RBM48: variants seen among roughly 807,000 people sequenced by gnomAD.
RBM48 encodes the protein RNA binding motif protein 48, also known as RNA-binding protein 48.
A neutral mutation model predicts 34.8 loss-of-function variants in RBM48; 32 were observed. The ratio of observed to expected loss-of-function variants is 0.92; its 90% confidence interval spans 0.69 to 1.23. The LOEUF (loss-of-function observed/expected upper bound fraction) is 1.23, where lower values mean the gene tolerates loss of function less well. Ranked by LOEUF, RBM48 falls within the 50% of genes most tolerant of loss-of-function variation. The probability of loss-of-function intolerance (pLI) is 0.00; values close to 1 mark genes in which losing one functional copy is unlikely to be tolerated. For synonymous variants in RBM48, 151 were observed against 156.2 expected (o/e 0.97, Z 0.25); for missense variants, 441 against 447.2 (o/e 0.99, Z 0.12).
intron 1 of RBM48, chr7:92,529,256 T>C: frequency 1.7e-6 from 1 of 574,716 alleles, no homozygotes; most frequent in Non-Finnish European, 3.1e-6. Context: ...TGGAAAAAAA[T>C]GTCGACTGAA....
rs1484290816 is a variant in RBM48, at chr7:92,534,393, A to C, written c.449-9A>C. 1 of 1,600,268 alleles carries C rather than the reference A, an allele frequency of 6.2e-7. No homozygotes were observed. Among genetic ancestry groups the C allele is most frequent in the Admixed American group, 1.7e-5 (1 of 57,366 alleles). ...CCCTTTCCCTCAACTTTTAAATTGT[A>C]ATATAAAGACCATTACGTGACAAAG... On this transcript the variant is annotated splice_polypyrimidine_tract_variant and intron_variant, in intron 3 of 4. Transcript: ENST00000265732.
At chr7:92,529,271 G>A in intron 1 of RBM48, 1 of 578,316 alleles carries the variant, frequency 1.7e-6, no homozygotes, top group South Asian at 2.2e-5. Context: ...ACTGAAGGTA[G>A]TCTGTTATAT....
chr7:92,539,538 C>CA lies in RBM48; in HGVS notation c.*2607dup, dbSNP rs770582656. Among the ~76,000 whole-genome samples the CA allele has an allele frequency of 5.3e-5, 8 of 152,080 alleles. No homozygotes were observed. Among genetic ancestry groups the CA allele is most frequent in the Non-Finnish European group, 1.0e-4 (7 of 68,032 alleles). ...CCAACATGATGAAACTCCATCTCTACAAAAAATACAAAAAGCCAGGCGTGG... is the reference window on the plus strand; with the variant it reads ...CCAACATGATGAAACTCCATCTCTACAAAAAAATACAAAAAGCCAGGCGTGG... On this transcript the variant is annotated 3_prime_UTR_variant, in exon 5 of 5. Transcript: ENST00000265732.
In RBM48 at chr7:92,529,660, G is replaced by C. The variant is rs1793496156; in HGVS notation, c.296G>C (p.Ser99Thr). Residue 99 changes from serine (S) to threonine (T), a missense_variant, in exon 2 of 5, where the codon AGT (serine) becomes ACT (threonine). Ser to Thr is a moderately conservative substitution (Grantham distance 58). Coordinates refer to ENST00000265732, the MANE Select transcript of RBM48 (RefSeq NM_032120.4). ...VYLIKFMNLQ[S>T]ARTAKRKMDE... ...CTTATTAAATTTATGAACTTACAAAGTGCAAGGTAATGTGCAAGTTAAGAA... is the reference window on the plus strand; with the variant it reads ...CTTATTAAATTTATGAACTTACAAACTGCAAGGTAATGTGCAAGTTAAGAA... 6.4e-7 allele frequency: 1 copy of C among 1,558,540 alleles called. No individual in the cohort carries two copies. The highest frequency in any genetic ancestry group is 1.2e-5 in the South Asian group (1 of 85,236).
In RBM48 at chr7:92,532,409, C is replaced by T; in HGVS notation, c.308C>T (p.Ala103Val). 1 of 1,607,886 alleles carries T rather than the reference C, an allele frequency of 6.2e-7. No individual in the cohort carries two copies. Among genetic ancestry groups the T allele is most frequent in the Admixed American group, 1.7e-5 (1 of 58,796 alleles). Residue 103 changes from alanine to valine, a missense_variant, in exon 3 of 5, where the codon GCC becomes GTC. By Grantham distance (64) the Ala-to-Val change is moderately conservative. Transcript: ENST00000265732. ...KFMNLQSART[A>V]KRKMDEQSFF... ...TATCTTGTATTTCCATTCAGGACAG[C>T]CAAGAGAAAAATGGATGAACAGAGT...
intron 2 of RBM48, 48 bp from the exon 3 acceptor site, chr7:92,532,356 C>A: frequency 6.5e-7 from 1 of 1,527,826 alleles, no homozygotes; most frequent in South Asian, 1.2e-5. Flanking sequence ...GCTTTCATCC[C>A]AAGTAAATCT....
In RBM48 at chr7:92,539,870, CA is replaced by C. The variant is rs1793821245; in HGVS notation, c.*2937del. Among the ~76,000 whole-genome samples, 2 of 152,116 alleles carry C rather than the reference CA, an allele frequency of 1.3e-5. No homozygotes were observed. On this transcript the variant is annotated 3_prime_UTR_variant, in exon 5 of 5. Transcript: ENST00000265732. The stretch of plus-strand genomic sequence containing the variant: ...ATAAGCACAAAGTACTCTATGTCTC[CA>C]AAATTTTAAAAACATTGACAGCAAT...
rs1793781344 is a variant in RBM48 at position 92,538,534 on chromosome 7, A to G, written c.*1597A>G. On this transcript the variant is annotated 3_prime_UTR_variant, in exon 5 of 5. Coordinates refer to ENST00000265732, the MANE Select transcript of RBM48 (RefSeq NM_032120.4). ...GTAGATGGTACTAACAGCAAGCTGC[A>G]GATAAGGAGGGTAGGCCCTACTTCC... is the stretch of plus-strand genomic sequence containing the variant. 6.6e-6 allele frequency among the ~76,000 whole-genome samples: 1 copy of G among 152,200 alleles called. No homozygotes were observed. Among genetic ancestry groups the G allele is most frequent in the Non-Finnish European group, 1.5e-5 (1 of 68,032 alleles).
At chr7:92,534,331 G>T (rs1458123287) in intron 3 of RBM48, 71 bp from the exon 4 acceptor site, 18 of 1,488,028 alleles carry the variant, frequency 1.2e-5, no homozygotes, top group Non-Finnish European at 1.6e-5. Context: ...TAAATTATAT[G>T]ATTCTGAATG....
At position 92,536,165 on chromosome 7, in the gene RBM48, A is replaced by C. The variant is rs1161345885; in HGVS notation, c.1018-686A>C. The C allele has an allele frequency of 4.6e-5, 45 of 985,266 alleles. No homozygotes were observed. The South Asian group carries it at 1.2e-3, about 27-fold the overall frequency. 61.0% of individuals were successfully genotyped at this position (985,266 alleles called of 1,614,324 possible). ...GTTTTCAGTTTGTGCTGCCACCCTTACTTCCTTCCTTCAGTTACAGCTGAA... is the reference window on the plus strand; with the variant it reads ...GTTTTCAGTTTGTGCTGCCACCCTTCCTTCCTTCCTTCAGTTACAGCTGAA... On this transcript the variant is annotated intron_variant, in intron 4 of 4. Transcript: ENST00000265732.
chr7:92,534,022 G>A (rs1793640905), intron 3 of RBM48, among the ~76,000 whole-genome samples: 2 of 141,596 alleles, frequency 1.4e-5, no homozygotes, highest in African/African-American at 2.6e-5. Context: ...ACCTCTGTAA[G>A]ATCTACAGTG....
intron 4 of RBM48, chr7:92,535,893 G>A: frequency 1.2e-6 from 1 of 824,826 alleles, no homozygotes; most frequent in Non-Finnish European, 1.5e-6. Flanking sequence ...TCAGCACTTT[G>A]GGAGGCTGAG....
At chr7:92,535,066 T>C (rs1793678990) in intron 4 of RBM48, 96 bp downstream of exon 4, 1 of 1,515,896 alleles carries the variant, frequency 6.6e-7, no homozygotes, top group African/African-American at 1.4e-5. Flanking sequence ...TAATTTTTTT[T>C]CACTTTTTAG....
chr7:92,532,282 A>T (rs1472643847), intron 2 of RBM48, 122 bp from the exon 3 acceptor site: 1 of 764,996 alleles, frequency 1.3e-6, no homozygotes, highest in African/African-American at 1.8e-5. Flanking sequence ...AATCCACAGG[A>T]TATATATACA....
At position 92,534,874 on chromosome 7, in the gene RBM48, T is replaced by C; in HGVS notation, c.921T>C (p.Ile307=). 1.2e-6 allele frequency: 2 copies of C among 1,614,224 alleles called. No individual in the cohort carries two copies. The highest frequency in any genetic ancestry group is 1.7e-6 in the Non-Finnish European group (2 of 1,180,022). ...AAACAAACCCAACTGGTAATGAGAT[T>C]ATGATTGGACCTCTGTTACCAGACA... The part of the protein sequence containing the change: ...FLQTNPTGNE[I]MIGPLLPDIS... Residue 307 remains isoleucine (I), a synonymous_variant, in exon 4 of 5, where the codon ATT becomes ATC. Transcript: ENST00000265732.
rs1311776176 is a variant in RBM48, at chr7:92,539,690, CTG to C, written c.*2757_*2758del. ...CTCCAGTCTGGGCAACAGACGGAGA[CTG>C]TGTCTCAAAAAAAAGTGTTCTTGTA... On this transcript the variant is annotated 3_prime_UTR_variant, in exon 5 of 5. Transcript: ENST00000265732. Among the ~76,000 whole-genome samples, 1 of 152,112 alleles carries C rather than the reference CTG, an allele frequency of 6.6e-6. No homozygotes were observed. The highest frequency in any genetic ancestry group is 2.1e-4 in the South Asian group (1 of 4,824).
In RBM48 at chr7:92,539,166, C is replaced by T. The variant is rs950082476; in HGVS notation, c.*2229C>T. ...ATGAACTCTGGAAGCAGCTGAAGAA[C>T]GGTTGGCTGTTCCATCCTAAGCAGT... On this transcript the variant is annotated 3_prime_UTR_variant, in exon 5 of 5. Coordinates refer to ENST00000265732, the MANE Select transcript of RBM48 (RefSeq NM_032120.4). 6.6e-6 allele frequency among the ~76,000 whole-genome samples: 1 copy of T among 152,178 alleles called. No individual in the cohort carries two copies. Among genetic ancestry groups the T allele is most frequent in the African/African-American group, 2.4e-5 (1 of 41,440 alleles).
At chr7:92,530,153 G>C (rs1053884150) in intron 2 of RBM48, among the ~76,000 whole-genome samples, 1 of 147,110 alleles carries the variant, frequency 6.8e-6, no homozygotes, top group African/African-American at 2.5e-5. Flanking sequence ...CTCCAGACAG[G>C]GCAACAAGAG....
Position 92,528,863 on chromosome 7 carries a change from A to G in RBM48, c.50A>G (p.Gln17Arg). Reference protein sequence around the residue: ...ELGSLFDHHVQRAVCDTRAKY... With the variant: ...ELGSLFDHHVRRAVCDTRAKY... ...GGGAGTTTATTTGATCACCACGTCC[A>G]GAGGGCGGTATGCGACACACGGGCC... Residue 17 changes from glutamine (Q) to arginine (R), a missense_variant, in exon 1 of 5, where the codon CAG (glutamine) becomes CGG (arginine). Gln to Arg is a conservative substitution (Grantham distance 43, BLOSUM62 1). Transcript: ENST00000265732. 3 of 1,614,144 alleles carry G rather than the reference A, an allele frequency of 1.9e-6. No individual in the cohort carries two copies. Among genetic ancestry groups the G allele is most frequent in the Non-Finnish European group, 2.5e-6 (3 of 1,180,028 alleles).
Sources: allele counts gnomAD v4.1 joint callset (sites outside exome capture counted in the v4.1 genomes callset), GRCh38; gene constraint gnomAD v4.1.1; transcripts MANE v1.5; gene names NCBI Gene and HGNC (gene_info 2026-07-23, HGNC 2026-07-21).